Variants in NAALADL2 observed in about 807,000 individuals in gnomAD.
NAALADL2 encodes the protein N-acetylated alpha-linked acidic dipeptidase like 2.
Under a neutral mutation model 87.2 loss-of-function variants are expected in NAALADL2, and 76 were observed. The ratio of observed to expected loss-of-function variants is 0.87; its 90% CI spans 0.72 to 1.05. The LOEUF is 1.05. NAALADL2 is among the 50% of genes least tolerant of loss of function. The probability of loss-of-function intolerance (pLI) is 0.00; values close to 1 mark genes in which losing one functional copy is unlikely to be tolerated. For missense variants in NAALADL2, 1,089 were observed against 945.8 expected (o/e 1.15, Z -1.99); for synonymous variants, 354 against 331.0 (o/e 1.07, Z -0.75).
At chr3:175,504,335 T>C (rs1368574726) in intron 9 of NAALADL2, among the ~76,000 whole-genome samples, 1 of 152,172 alleles carries the variant, frequency 6.6e-6, no homozygotes. Flanking sequence ...ATGTTGCATG[T>C]GATGACATGA....
Position 174,538,472 on chromosome 3 carries a change from AT to A in NAALADL2, c.-183-12095del, listed in dbSNP as rs538863665. ...AACATGACAGCTGGTCCTAAAAGAA[AT>A]TGAAGTATTTTACCCAAAATAAATT... On this transcript the variant is annotated intron_variant, in intron 1 of 3. Coordinates refer to the NAALADL2 transcript ENST00000434257. 1.1e-4 allele frequency among the ~76,000 whole-genome samples: 17 copies of A among 152,310 alleles called. No homozygotes were observed. In the East Asian group the frequency reaches 3.3e-3, roughly 29 times the overall value.
intron 3 of NAALADL2, among the ~76,000 whole-genome samples, chr3:174,764,806 AGAG>A (rs1713553352): frequency 1.3e-5 from 2 of 152,144 alleles, no homozygotes; most frequent in African/African-American, 4.8e-5. Context: ...TGTGGGTTAG[AGAG>A]GAGGAGAGAA....
At chr3:175,310,673 C>A (rs1173849722) in intron 4 of NAALADL2, among the ~76,000 whole-genome samples, 1 of 151,698 alleles carries the variant, frequency 6.6e-6, no homozygotes, top group Non-Finnish European at 1.5e-5. Context: ...TTTATTTGAG[C>A]TTGCTTACTC....
chr3:175,318,947 C>A (rs916629987), intron 4 of NAALADL2, among the ~76,000 whole-genome samples: 18 of 150,656 alleles, frequency 1.2e-4, no homozygotes, highest in African/African-American at 4.4e-4. Flanking sequence ...ATCCATGTTT[C>A]CCTTTTAATT....
chr3:174,739,968 G>A lies in NAALADL2; in HGVS notation c.-9+2222G>A, dbSNP rs111609404. Among the ~76,000 whole-genome samples the A allele has an allele frequency of 6.1e-3, 922 of 152,052 alleles. 11 individuals carry two copies. Among genetic ancestry groups the A allele is most frequent in the African/African-American group, 0.021 (888 of 41,514 alleles). ...AGCAGTTAAAGTAAAGCTATTTAAG[G>A]AGGCTTTCTAGTGATGCCGACTTGT... On this transcript the variant is annotated intron_variant, in intron 3 of 3. Transcript: ENST00000434257.
chr3:174,902,015 C>T (rs1409953125), intron 1 of NAALADL2, among the ~76,000 whole-genome samples: 1 of 152,040 alleles, frequency 6.6e-6, no homozygotes, highest in Non-Finnish European at 1.5e-5. Context: ...GCCCCTAAAA[C>T]TATAATATAT....
At chr3:175,250,173 A>G (rs1344267945) in intron 3 of NAALADL2, among the ~76,000 whole-genome samples, 30 of 151,616 alleles carry the variant, frequency 2.0e-4, no homozygotes, top group Non-Finnish European at 3.7e-4. Flanking sequence ...CGGTCTTAAA[A>G]AAAAAAAAAA....
At chr3:175,460,819 A>T (rs565211840) in intron 6 of NAALADL2, among the ~76,000 whole-genome samples, 1 of 152,316 alleles carries the variant, frequency 6.6e-6, no homozygotes, top group Admixed American at 6.5e-5. Flanking sequence ...GTTCCCAAAG[A>T]GGCAGGGTGT....
At chr3:175,753,890 C>T (rs568053942) in intron 12 of NAALADL2, among the ~76,000 whole-genome samples, 24 of 152,248 alleles carry the variant, frequency 1.6e-4, no homozygotes, top group African/African-American at 5.8e-4. Context: ...CTCAAAACTG[C>T]CAATTTAGGT....
intron 10 of NAALADL2, among the ~76,000 whole-genome samples, chr3:175,606,913 T>C (rs1464614932): frequency 6.6e-6 from 1 of 152,174 alleles, no homozygotes; most frequent in Non-Finnish European, 1.5e-5. Context: ...TCAGTACATA[T>C]CCTTAACATA....
chr3:174,509,814 A>G (rs1719481122), intron 1 of NAALADL2, among the ~76,000 whole-genome samples: 1 of 151,626 alleles, frequency 6.6e-6, no homozygotes, highest in East Asian at 2.0e-4. Flanking sequence ...GCCCTTAAAG[A>G]CCCTATCTCC....
At chr3:175,614,873 T>C (rs905369162) in intron 10 of NAALADL2, among the ~76,000 whole-genome samples, 1 of 152,172 alleles carries the variant, frequency 6.6e-6, no homozygotes, top group African/African-American at 2.4e-5. Flanking sequence ...ATTTAATAAG[T>C]ACTTCTTAGA....
At chr3:174,631,757 A>G (rs1210605218) in intron 2 of NAALADL2, 1 of 152,200 alleles carries the variant, frequency 6.6e-6, no homozygotes, top group Non-Finnish European at 1.5e-5. Context: ...AAGTCCTTAC[A>G]TAAGCTTAAA....
chr3:174,467,084 CTG>C (rs1716581399), intron 1 of NAALADL2, among the ~76,000 whole-genome samples: 1 of 152,012 alleles, frequency 6.6e-6, no homozygotes. Context: ...TTGTGGAACT[CTG>C]TATTTTCCAA....
intron 2 of NAALADL2, among the ~76,000 whole-genome samples, chr3:175,228,925 A>T (rs1744548925): frequency 6.6e-6 from 1 of 151,974 alleles, no homozygotes; most frequent in South Asian, 2.1e-4. Flanking sequence ...TGATAGCTAA[A>T]ATTATAATTC....
chr3:175,802,236 A>G (rs1754252104), intron 13 of NAALADL2, among the ~76,000 whole-genome samples: 1 of 151,884 alleles, frequency 6.6e-6, no homozygotes, highest in African/African-American at 2.4e-5. Flanking sequence ...ATATCACCCA[A>G]TAGTCAGTGT....
chr3:175,315,082 A>T (rs1409588039), intron 4 of NAALADL2, among the ~76,000 whole-genome samples: 1 of 152,174 alleles, frequency 6.6e-6, no homozygotes, highest in East Asian at 1.9e-4. Flanking sequence ...ACTTCCAATG[A>T]TGCATTCTTT....
intron 2 of NAALADL2, among the ~76,000 whole-genome samples, chr3:175,100,283 A>G (rs1461442900): frequency 6.6e-6 from 1 of 152,132 alleles, no homozygotes; most frequent in Non-Finnish European, 1.5e-5. Context: ...TTTTTGGCTT[A>G]TGAGAGGTTG....
At chr3:175,634,607 CTGG>C (rs58378913) in intron 11 of NAALADL2, among the ~76,000 whole-genome samples, 25,310 of 151,742 alleles carry the variant, frequency 0.17, 2,214 homozygotes, top group Middle Eastern at 0.23. Context: ...AATAGAATTC[CTGG>C]TACACGTTTT....
Sources: allele counts gnomAD v4.1 joint callset (sites outside exome capture counted in the v4.1 genomes callset), GRCh38; gene constraint gnomAD v4.1.1; transcripts MANE v1.5; gene names NCBI Gene and HGNC (gene_info 2026-07-23, HGNC 2026-07-21).